The following SLC17A1 variants were observed in gnomAD, a reference collection of about 807,000 sequenced individuals.
SLC17A1 encodes the protein solute carrier family 17 member 1.
In SLC17A1, 51 loss-of-function variants were observed where a neutral mutation model predicts 53.5. The observed-to-expected ratio is 0.95, with a 90% confidence interval of 0.76 to 1.20. The LOEUF (loss-of-function observed/expected upper bound fraction) is 1.20, where lower values mean the gene tolerates loss of function less well. SLC17A1 is among the 50% of genes most tolerant of loss of function. SLC17A1 has a pLI of 0.00. For missense variants in SLC17A1, 538 were observed against 568.2 expected, an observed-to-expected ratio of 0.95 and a Z score of 0.54; for synonymous variants, 179 against 198.8, an observed-to-expected ratio of 0.90 and a Z score of 0.84.
chr6:25,810,942 G>A (rs1764133186), intron 10 of SLC17A1, among the ~76,000 whole-genome samples: 1 of 152,096 alleles, frequency 6.6e-6, no homozygotes. Context: ...AGGAAATCAA[G>A]TCATTTGTGA....
the SLC17A1 span, among the ~76,000 whole-genome samples, chr6:25,724,515 T>C: frequency 7.9e-5 from 12 of 152,244 alleles, no homozygotes; most frequent in African/African-American, 2.7e-4. Context: ...AATTTTTTAA[T>C]ATATTTTATT....
chr6:25,826,558 C>G lies in SLC17A1; in HGVS notation c.110G>C (p.Arg37Pro). The change falls in exon 3 of 13, where the codon CGT (arginine) becomes CCT (proline). Residue 37 changes from arginine (R) to proline (P), a missense_variant. By Grantham distance (103) the Arg-to-Pro change is moderately radical. Coordinates refer to ENST00000244527, the MANE Select transcript of SLC17A1 (RefSeq NM_005074.5). The stretch of plus-strand genomic sequence containing the variant: ...TACCATTGTGAGGTTCAGGCACGCA[C>G]GCTGTGCTGTTATTATAACATTACA... ...HCCNVIITAQ[R>P]ACLNLTMVVM... 2 of 1,612,322 alleles carry G rather than the reference C, an allele frequency of 1.2e-6. No homozygotes were observed. Among genetic ancestry groups the G allele is most frequent in the Non-Finnish European group, 1.7e-6 (2 of 1,178,870 alleles).
intron 12 of SLC17A1, among the ~76,000 whole-genome samples, chr6:25,797,568 C>T (rs2151478805): frequency 6.6e-6 from 1 of 151,542 alleles, no homozygotes; most frequent in South Asian, 2.1e-4. Flanking sequence ...TCTGTTATGT[C>T]ATTTAAGTTC....
intron 6 of SLC17A1, among the ~76,000 whole-genome samples, chr6:25,818,041 G>A (rs1764422683): frequency 6.6e-6 from 1 of 152,118 alleles, no homozygotes; most frequent in Admixed American, 6.5e-5. Flanking sequence ...TGTCCCCCTA[G>A]ATGTACTCCT....
At chr6:25,732,111 T>C in the SLC17A1 span, 1 of 743,592 alleles carries the variant, frequency 1.3e-6, no homozygotes. Flanking sequence ...GCAACTGCCT[T>C]CTTAAAGCCC....
chr6:25,792,794 C>T (rs913135121), intron 12 of SLC17A1, among the ~76,000 whole-genome samples: 2 of 152,128 alleles, frequency 1.3e-5, no homozygotes, highest in Non-Finnish European at 2.9e-5. Flanking sequence ...GTCTGGCCTG[C>T]TGTACCTCCA....
chr6:25,789,586 C>T (rs1293428989), intron 12 of SLC17A1, among the ~76,000 whole-genome samples: 1 of 152,126 alleles, frequency 6.6e-6, no homozygotes, highest in Non-Finnish European at 1.5e-5. Context: ...CATCATATGA[C>T]TCCGGTATAA....
the SLC17A1 span, among the ~76,000 whole-genome samples, chr6:25,761,577 T>C: frequency 1.3e-5 from 2 of 152,212 alleles, no homozygotes; most frequent in Non-Finnish European, 2.9e-5. Flanking sequence ...CACTGGAATC[T>C]CCTAGATGAA....
intron 6 of SLC17A1, among the ~76,000 whole-genome samples, chr6:25,813,985 T>G (rs1373036228): frequency 1.3e-5 from 2 of 152,242 alleles, no homozygotes; most frequent in Admixed American, 6.5e-5. Flanking sequence ...AGTCTATCAT[T>G]GATGGGCATT....
chr6:25,761,850 C>A, the SLC17A1 span: 1 of 803,652 alleles, frequency 1.2e-6, no homozygotes, highest in Non-Finnish European at 1.9e-6. Context: ...AACATTTGCT[C>A]CTAGTTCTTA....
chr6:25,811,327 T>A, intron 10 of SLC17A1, 71 bp downstream of exon 10: 1 of 1,447,078 alleles, frequency 6.9e-7, no homozygotes, highest in South Asian at 1.4e-5. Context: ...TAAATCATCA[T>A]GTTGTGCACA....
the SLC17A1 span, chr6:25,773,176 C>A: frequency 1.1e-6 from 1 of 907,082 alleles, no homozygotes. Flanking sequence ...GAGTGGTGTA[C>A]TGAGGCCAGT....
chr6:25,785,077 A>G (rs1266363160), intron 12 of SLC17A1, among the ~76,000 whole-genome samples: 1 of 152,200 alleles, frequency 6.6e-6, no homozygotes, highest in Non-Finnish European at 1.5e-5. Flanking sequence ...AGATCAATAT[A>G]CAAAAGTCAA....
intron 10 of SLC17A1, among the ~76,000 whole-genome samples, chr6:25,801,223 A>G (rs564282932): frequency 2.6e-4 from 39 of 152,380 alleles, no homozygotes; most frequent in African/African-American, 8.9e-4. Context: ...GATTATATTT[A>G]GAGTGAAACC....
chr6:25,818,418 G>C (rs1183200), intron 6 of SLC17A1, among the ~76,000 whole-genome samples: 100,521 of 152,056 alleles, frequency 0.66, 34,944 homozygotes, highest in African/African-American at 0.87. Flanking sequence ...AATTTCACCG[G>C]ATCTCATACC....
At chr6:25,727,490 C>A in the SLC17A1 span, among the ~76,000 whole-genome samples, 40,607 of 150,142 alleles carry the variant, frequency 0.27, 6,592 homozygotes, top group East Asian at 0.67. Context: ...CTCCTGAGTT[C>A]ACGCCATTCT....
chr6:25,814,921 G>A (rs1764285488), intron 6 of SLC17A1, among the ~76,000 whole-genome samples: 1 of 151,786 alleles, frequency 6.6e-6, no homozygotes. Context: ...AGGAGGCTGA[G>A]GTTGCAGTGA....
chr6:25,728,953 G>C, the SLC17A1 span, among the ~76,000 whole-genome samples: 4 of 152,214 alleles, frequency 2.6e-5, no homozygotes, highest in Non-Finnish European at 4.4e-5. Flanking sequence ...GTGACAAATT[G>C]GGGGGAAGGG....
intron 10 of SLC17A1, among the ~76,000 whole-genome samples, 164 bp downstream of exon 10, chr6:25,811,232 CCA>C (rs1474240503): frequency 1.3e-5 from 2 of 151,718 alleles, no homozygotes; most frequent in Non-Finnish European, 2.9e-5. Context: ...TTTTGTGTTC[CCA>C]CACACACAAA....
Sources: gnomAD v4.1 joint callset for allele counts (sites outside exome capture counted in the v4.1 genomes callset) on GRCh38, gnomAD v4.1.1 for gene constraint, MANE v1.5 for transcripts, NCBI Gene and HGNC (gene_info 2026-07-23, HGNC 2026-07-21) for gene names.